Variants in RBMXL3 observed in about 807,000 individuals in gnomAD.
RBMXL3 encodes the protein RNA-binding motif protein, X-linked-like-3.
RBMXL3 carries 2 observed loss-of-function variants against 0.8 expected under a neutral mutation model. That is an observed-to-expected ratio of 2.54 (90% CI 1.04 to 8.00). RBMXL3 has a LOEUF of 8.00. Among genes scored for constraint, RBMXL3 ranks in the 30% most tolerant of loss-of-function variants. RBMXL3 has a pLI of 0.04. For synonymous variants in RBMXL3, 447 were observed against 449.8 expected (o/e 0.99, Z 0.08); for missense variants, 1,127 against 1,068.0 (o/e 1.06, Z -0.77).
chrX:115,189,730 C>G lies in RBMXL3; in HGVS notation c.289C>G (p.Pro97Ala), dbSNP rs782401838. ...PAFKSSRWVP[P>A]TPGSGSRSRF... ...ATTCAAGAGCAGCCGATGGGTCCCG[C>G]CAACCCCCGGCAGCGGCAGTCGCTC... is the stretch of plus-strand genomic sequence containing the variant. The change falls in exon 1 of 1, where the codon CCA becomes GCA. Residue 97 changes from proline (P) to alanine (A), a missense_variant. By Grantham distance (27) the Pro-to-Ala change is conservative (BLOSUM62 -1). Transcript: ENST00000424776. The G allele has an allele frequency of 1.8e-5, 21 of 1,166,033 alleles. No homozygotes were observed. In the South Asian group the frequency reaches 3.8e-4, roughly 21 times the overall value.
rs191346601 is a variant in RBMXL3 at position 115,192,213 on chromosome X, C to T, written c.2772C>T (p.Tyr924=). The T allele has an allele frequency of 5.3e-3, 6,142 of 1,162,973 alleles. 186 individuals carry two copies. In the African/African-American group the frequency reaches 0.096, roughly 18 times the overall value. The change falls in exon 1 of 1, where the codon TAC becomes TAT. Residue 924 remains tyrosine (Y), a synonymous_variant. Transcript: ENST00000424776. The part of the protein sequence containing the change: ...EEYQGRSPNA[Y]GGGRGLNSSN... The stretch of plus-strand genomic sequence containing the variant: ...ACCAAGGCCGCTCGCCCAATGCCTA[C>T]GGCGGGGGCCGCGGCCTCAACAGTT...
In RBMXL3 at chrX:115,190,275, C is replaced by T. The variant is rs782067054; in HGVS notation, c.834C>T (p.Asp278=). ...SVPDYRPLRG[D]GNQNGYRGRD... is the part of the protein sequence containing the mutation. ...CGGACTACCGTCCCTTGAGAGGCGA[C>T]GGCAACCAAAATGGCTACAGGGGTC... The change falls in exon 1 of 1, where the codon GAC becomes GAT. Residue 278 remains aspartate, a synonymous_variant. Transcript: ENST00000424776. 114 of 1,151,028 alleles carry T rather than the reference C, an allele frequency of 9.9e-5. No homozygotes were observed. Among genetic ancestry groups the T allele is most frequent in the Non-Finnish European group, 1.1e-4 (99 of 863,132 alleles). The allele number at this position is 1,151,028 out of a possible 1,213,427, so 94.9% of individuals were successfully genotyped here.
rs782732760 is a variant in RBMXL3 at position 115,192,470 on chromosome X, G to A, written c.3029G>A (p.Arg1010His). The stretch of plus-strand genomic sequence containing the variant: ...AGCAACAGTTACGGCCGGAGCGACC[G>A]CTACTCGAGGGGTCGAGACCGGGTA... ...RSSNSYGRSD[R>H]YSRGRDRVGR... is the part of the protein sequence containing the mutation. The change falls in exon 1 of 1, where the codon CGC becomes CAC. Residue 1010 changes from arginine (R) to histidine (H), a missense_variant. By Grantham distance (29) the Arg-to-His change is conservative. Coordinates refer to ENST00000424776, the MANE Select transcript of RBMXL3 (RefSeq NM_001145346.2). The A allele has an allele frequency of 2.7e-4, 311 of 1,169,041 alleles. No individual in the cohort carries two copies. The highest frequency in any genetic ancestry group is 3.3e-4 in the Non-Finnish European group (292 of 874,112).
rs782373258 is a variant in RBMXL3 at position 115,192,001 on chromosome X, C to T, written c.2560C>T (p.Arg854Cys). 22 of 1,166,025 alleles carry T rather than the reference C, an allele frequency of 1.9e-5. No individual in the cohort carries two copies. The highest frequency in any genetic ancestry group is 5.4e-5 in the African/African-American group (3 of 55,705). Residue 854 changes from arginine (R) to cysteine (C), a missense_variant, in exon 1 of 1, where the codon CGC becomes TGC. Transcript: ENST00000424776. ...CAGCAACAGTTACGACCGGAGCCAC[C>T]GCTATGGAGGAGGAGGCCACTACGA... Reference protein sequence around the residue: ...SSSNSYDRSHRYGGGGHYEEY... With the variant: ...SSSNSYDRSHCYGGGGHYEEY...
In RBMXL3 at chrX:115,190,308, T is replaced by G; in HGVS notation, c.867T>G (p.His289Gln). 8.7e-7 allele frequency: 1 copy of G among 1,154,137 alleles called. No homozygotes were observed. The highest frequency in any genetic ancestry group is 1.2e-6 in the Non-Finnish European group (1 of 865,525). Residue 289 changes from histidine (H) to glutamine (Q), a missense_variant, in exon 1 of 1, where the codon CAT (histidine) becomes CAG (glutamine). Coordinates refer to ENST00000424776, the MANE Select transcript of RBMXL3 (RefSeq NM_001145346.2). ...AAAATGGCTACAGGGGTCGCGACCA[T>G]GAGTACACAGATCATCCCAGCAAAG... ...GNQNGYRGRD[H>Q]EYTDHPSKGS... is the part of the protein sequence containing the mutation.
chrX:115,190,488 G>A lies in RBMXL3; in HGVS notation c.1047G>A (p.Leu349=). 8.6e-7 allele frequency: 1 copy of A among 1,166,854 alleles called. No homozygotes were observed. The highest frequency in any genetic ancestry group is 1.9e-5 in the South Asian group (1 of 52,690). The part of the protein sequence containing the change: ...ACSEGRSSEA[L]PVVLPDAYSR... Reference sequence around the variant, plus strand: ...GTGAAGGCCGCTCGTCCGAGGCCTTGCCAGTCGTCTTGCCAGACGCCTACA... The same window carrying A: ...GTGAAGGCCGCTCGTCCGAGGCCTTACCAGTCGTCTTGCCAGACGCCTACA... Residue 349 remains leucine (L), a synonymous_variant, in exon 1 of 1, where the codon TTG becomes TTA. Transcript: ENST00000424776.
In RBMXL3 at chrX:115,189,636, C is replaced by T. The variant is rs782641878; in HGVS notation, c.195C>T (p.Ala65=). ...TFESPADAKA[A]ARDMNGKYLD... ...AAAGCCCTGCAGACGCCAAGGCTGC[C>T]GCCAGAGATATGAACGGCAAGTACC... Residue 65 remains alanine (A), a synonymous_variant, in exon 1 of 1, where the codon GCC becomes GCT. Transcript: ENST00000424776. 4.2e-5 allele frequency: 49 copies of T among 1,167,937 alleles called. No homozygotes were observed. In the African/African-American group the frequency reaches 6.4e-4, roughly 15 times the overall value.
Position 115,191,981 on chromosome X carries a change from A to C in RBMXL3, c.2540A>C (p.Asn847Thr). Residue 847 changes from asparagine to threonine, a missense_variant, in exon 1 of 1, where the codon AAC (asparagine) becomes ACC (threonine). Physicochemically the swap from Asn to Thr is moderately conservative, Grantham distance 65 (BLOSUM62 0). Transcript: ENST00000424776. Reference sequence around the variant, plus strand: ...AGTGGGGGCCGTGACAGTTCCAGCAACAGTTACGACCGGAGCCACCGCTAT... The same window carrying C: ...AGTGGGGGCCGTGACAGTTCCAGCACCAGTTACGACCGGAGCCACCGCTAT... ...AYSGGRDSSS[N>T]SYDRSHRYGG... is the part of the protein sequence containing the mutation. The C allele has an allele frequency of 8.6e-7, 1 of 1,164,788 alleles. No individual in the cohort carries two copies. Among genetic ancestry groups the C allele is most frequent in the South Asian group, 1.9e-5 (1 of 52,613 alleles).
At position 115,190,756 on chromosome X, in the gene RBMXL3, T is replaced by G. The variant is rs1556558079; in HGVS notation, c.1315T>G (p.Ser439Ala). Reference protein sequence around the residue: ...RSHEARSGGRSTDAHSRGRSD... With the variant: ...RSHEARSGGRATDAHSRGRSD... ...ACACGAGGCCCGCAGCGGGGGCCGCTCCACTGATGCCCACAGCAGGGGCCG... is the reference window on the plus strand; with the variant it reads ...ACACGAGGCCCGCAGCGGGGGCCGCGCCACTGATGCCCACAGCAGGGGCCG... The change falls in exon 1 of 1, where the codon TCC becomes GCC. Residue 439 changes from serine (S) to alanine (A), a missense_variant. By Grantham distance (99) the Ser-to-Ala change is moderately conservative. Coordinates refer to ENST00000424776, the MANE Select transcript of RBMXL3 (RefSeq NM_001145346.2). 3.4e-6 allele frequency: 4 copies of G among 1,164,720 alleles called. No homozygotes were observed. Among genetic ancestry groups the G allele is most frequent in the Non-Finnish European group, 4.6e-6 (4 of 872,236 alleles).
At position 115,191,258 on chromosome X, in the gene RBMXL3, G is replaced by A. The variant is rs200443208; in HGVS notation, c.1817G>A (p.Arg606His). Reference protein sequence around the residue: ...GRSLDANSGGRSPNAYSGGHD... With the variant: ...GRSLDANSGGHSPNAYSGGHD... ...TCCCTCGATGCCAACAGTGGAGGCCGCTCGCCCAATGCCTACAGCGGGGGC... is the reference window on the plus strand; with the variant it reads ...TCCCTCGATGCCAACAGTGGAGGCCACTCGCCCAATGCCTACAGCGGGGGC... The change falls in exon 1 of 1, where the codon CGC (arginine) becomes CAC (histidine). Residue 606 changes from arginine (R) to histidine (H), a missense_variant. Physicochemically the swap from Arg to His is conservative, Grantham distance 29. Coordinates refer to ENST00000424776, the MANE Select transcript of RBMXL3 (RefSeq NM_001145346.2). 2.4e-4 allele frequency: 271 copies of A among 1,151,858 alleles called. 3 individuals are homozygous for A. In the East Asian group the frequency reaches 5.9e-3, roughly 25 times the overall value. 94.9% of individuals were successfully genotyped at this position (1,151,858 alleles called of 1,213,427 possible).
At position 115,190,172 on chromosome X, in the gene RBMXL3, C is replaced by A; in HGVS notation, c.731C>A (p.Pro244His). The change falls in exon 1 of 1, where the codon CCC becomes CAC. Residue 244 changes from proline to histidine, a missense_variant. Pro to His is a moderately conservative substitution (Grantham distance 77). Coordinates refer to ENST00000424776, the MANE Select transcript of RBMXL3 (RefSeq NM_001145346.2). The stretch of plus-strand genomic sequence containing the variant: ...GGCCCGCGGGTCCGGGAGCCACTGC[C>A]CCCGTGCCGCGACCCTGGGGATTTT... ...YSGPRVREPL[P>H]PCRDPGDFVP... is the part of the protein sequence containing the mutation. 14 of 1,166,086 alleles carry A rather than the reference C, an allele frequency of 1.2e-5. No individual in the cohort carries two copies. Among genetic ancestry groups the A allele is most frequent in the Non-Finnish European group, 1.6e-5 (14 of 872,301 alleles).
chrX:115,192,029 A>C lies in RBMXL3; in HGVS notation c.2588A>C (p.Glu863Ala). The part of the protein sequence containing the change: ...HRYGGGGHYE[E>A]YRGRSHDTHS... ...TATGGAGGAGGAGGCCACTACGAAG[A>C]GTACCGAGGCCGCTCGCACGACACC... The change falls in exon 1 of 1, where the codon GAG becomes GCG. Residue 863 changes from glutamate (E) to alanine (A), a missense_variant. Transcript: ENST00000424776. 2 of 1,167,543 alleles carry C rather than the reference A, an allele frequency of 1.7e-6. No homozygotes were observed. Among genetic ancestry groups the C allele is most frequent in the Admixed American group, 5.2e-5 (2 of 38,791 alleles).
Position 115,190,970 on chromosome X carries a change from A to G in RBMXL3, c.1529A>G (p.Tyr510Cys), listed in dbSNP as rs1019334341. Residue 510 changes from tyrosine to cysteine, a missense_variant, in exon 1 of 1, where the codon TAT becomes TGT. Coordinates refer to ENST00000424776, the MANE Select transcript of RBMXL3 (RefSeq NM_001145346.2). ...GACCGCTACGGAGTAGGAGGCCACT[A>G]TGAGGAGAACCGAGGCCACTCTCTG... ...WSDRYGVGGH[Y>C]EENRGHSLDA... 4 of 1,162,501 alleles carry G rather than the reference A, an allele frequency of 3.4e-6. No homozygotes were observed. The highest frequency in any genetic ancestry group is 2.3e-4 in the Middle Eastern group (1 of 4,285).
rs1010621570 is a variant in RBMXL3, at chrX:115,192,094, C to T, written c.2653C>T (p.His885Tyr). Reference protein sequence around the residue: ...GRSPDAHSGDHYTEAYSRGRD... With the variant: ...GRSPDAHSGDYYTEAYSRGRD... The stretch of plus-strand genomic sequence containing the variant: ...ATCGCCCGATGCCCACAGCGGGGAC[C>T]ACTACACCGAAGCCTACAGCAGGGG... The change falls in exon 1 of 1, where the codon CAC (histidine) becomes TAC (tyrosine). Residue 885 changes from histidine to tyrosine, a missense_variant. His to Tyr is a moderately conservative substitution (Grantham distance 83). Transcript: ENST00000424776. 2 of 1,167,097 alleles carry T rather than the reference C, an allele frequency of 1.7e-6. No individual in the cohort carries two copies. The highest frequency in any genetic ancestry group is 2.6e-5 in the Admixed American group (1 of 38,693).
In RBMXL3 at chrX:115,190,093, G is replaced by A. The variant is rs781893493; in HGVS notation, c.652G>A (p.Gly218Ser). Residue 218 changes from glycine to serine, a missense_variant, in exon 1 of 1, where the codon GGC becomes AGC. Physicochemically the swap from Gly to Ser is moderately conservative, Grantham distance 56. Coordinates refer to ENST00000424776, the MANE Select transcript of RBMXL3 (RefSeq NM_001145346.2). ...CCGGTCAAGCCTGGCTCGCATTGGC[G>A]GCAGTGGAATGCCTGGGAAGGCCCC... ...VPRSSLARIG[G>S]SGMPGKAPAV... 154 of 1,154,111 alleles carry A rather than the reference G, an allele frequency of 1.3e-4. No individual in the cohort carries two copies. The African/African-American group carries it at 1.4e-3, about 11-fold the overall frequency.
chrX:115,191,790 A>G lies in RBMXL3; in HGVS notation c.2349A>G (p.Arg783=), dbSNP rs782302313. The G allele has an allele frequency of 2.9e-5, 34 of 1,154,866 alleles. No individual in the cohort carries two copies. In the Admixed American group the frequency reaches 6.7e-4, roughly 23 times the overall value. ...GAGGAGGCCGCTACGAGGAGTACCG[A>G]GGCCGCTCGCTCGATGCCAACAGCG... ...YGGGGRYEEY[R]GRSLDANSGG... Residue 783 remains arginine, a synonymous_variant, in exon 1 of 1, where the codon CGA becomes CGG. Transcript: ENST00000424776.
Position 115,190,913 on chromosome X carries a change from A to C in RBMXL3, c.1472A>C (p.Tyr491Ser). ...AGTGGAGGCTGCTCGCCCGAGGCCT[A>C]CAGTGGGGGCCACGACAATTCCAGC... is the stretch of plus-strand genomic sequence containing the variant. The part of the protein sequence containing the change: ...ANSGGCSPEA[Y>S]SGGHDNSSWS... Residue 491 changes from tyrosine to serine, a missense_variant, in exon 1 of 1, where the codon TAC becomes TCC. By Grantham distance (144) the Tyr-to-Ser change is moderately radical. Coordinates refer to ENST00000424776, the MANE Select transcript of RBMXL3 (RefSeq NM_001145346.2). 8.6e-7 allele frequency: 1 copy of C among 1,163,938 alleles called. No individual in the cohort carries two copies. Among genetic ancestry groups the C allele is most frequent in the Non-Finnish European group, 1.1e-6 (1 of 872,091 alleles).
At position 115,191,514 on chromosome X, in the gene RBMXL3, G is replaced by C. The variant is rs782404623; in HGVS notation, c.2073G>C (p.Gly691=). Residue 691 remains glycine, a synonymous_variant, in exon 1 of 1, where the codon GGG becomes GGC. Transcript: ENST00000424776. ...SGGRSPDAYS[G]GHDSSSQSNR... ...GCCGCTCGCCTGATGCCTACAGTGGGGGCCACGACAGTTCCAGCCAGAGCA... is the reference window on the plus strand; with the variant it reads ...GCCGCTCGCCTGATGCCTACAGTGGCGGCCACGACAGTTCCAGCCAGAGCA... 1.0e-3 allele frequency: 1,157 copies of C among 1,148,177 alleles called. 2 individuals carry two copies. The highest frequency in any genetic ancestry group is 1.3e-3 in the Non-Finnish European group (1,088 of 864,683). 94.6% of individuals were successfully genotyped at this position (1,148,177 alleles called of 1,213,427 possible).
chrX:115,191,054 G>A lies in RBMXL3; in HGVS notation c.1613G>A (p.Ser538Asn), dbSNP rs1464165329. 3.2e-5 allele frequency: 37 copies of A among 1,163,506 alleles called. No homozygotes were observed. The highest frequency in any genetic ancestry group is 3.8e-5 in the Non-Finnish European group (33 of 872,172). ...CACAGTGGGGGCCACAGCAGTTCCA[G>A]CAACAGTTACGGCCAGAGCCACCGC... ...DTHSGGHSSS[S>N]NSYGQSHRYG... is the part of the protein sequence containing the mutation. The change falls in exon 1 of 1, where the codon AGC (serine) becomes AAC (asparagine). Residue 538 changes from serine to asparagine, a missense_variant. Physicochemically the swap from Ser to Asn is conservative, Grantham distance 46. Transcript: ENST00000424776.
Sources: allele counts gnomAD v4.1 joint callset, GRCh38; gene constraint gnomAD v4.1.1; transcripts MANE v1.5; gene names NCBI Gene and HGNC (gene_info 2026-07-23, HGNC 2026-07-21).